The following HPSE2 variants were observed in gnomAD, a reference collection of about 807,000 sequenced individuals.
The protein encoded by HPSE2 is inactive heparanase-2.
Under a neutral mutation model 60.5 loss-of-function variants are expected in HPSE2, and 38 were observed. The observed-to-expected ratio is 0.63, with a 90% confidence interval of 0.48 to 0.82. HPSE2 has a LOEUF of 0.82. HPSE2 is among the 40% of genes least tolerant of loss of function. HPSE2 has a pLI of 0.00. For missense variants in HPSE2, 713 were observed against 740.4 expected (o/e 0.96, Z 0.43); for synonymous variants, 295 against 293.2 (o/e 1.01, Z -0.06).
chr10:98,562,455 G>A (rs2133877315), intron 9 of HPSE2, among the ~76,000 whole-genome samples: 1 of 152,228 alleles, frequency 6.6e-6, no homozygotes, highest in Middle Eastern at 3.4e-3. Context: ...GGTGGCTCAT[G>A]CCTGTAATCC....
At chr10:98,852,113 ATGTGTGTGTG>A (rs1555017138) in intron 3 of HPSE2, among the ~76,000 whole-genome samples, 35 of 91,966 alleles carry the variant, frequency 3.8e-4, no homozygotes, top group East Asian at 2.7e-3. Flanking sequence ...GTATATTATG[ATGTGTGTGTG>A]TGTGTGTGTG....
chr10:98,703,246 C>A (rs907832644), intron 5 of HPSE2, among the ~76,000 whole-genome samples: 1 of 152,114 alleles, frequency 6.6e-6, no homozygotes, highest in Non-Finnish European at 1.5e-5. Context: ...GAAGTTGAAT[C>A]CCTGAATAAA....
intron 3 of HPSE2, among the ~76,000 whole-genome samples, chr10:98,946,464 C>A (rs1246095926): frequency 9.9e-5 from 14 of 141,510 alleles, no homozygotes; most frequent in African/African-American, 3.7e-4. Context: ...CAGAGTGAGA[C>A]CCTCACTCAA....
At chr10:98,847,253 T>A (rs1461136227) in intron 3 of HPSE2, among the ~76,000 whole-genome samples, 1 of 152,220 alleles carries the variant, frequency 6.6e-6, no homozygotes, top group African/African-American at 2.4e-5. Flanking sequence ...CAAAAATATA[T>A]CTGGTAACTC....
chr10:99,123,186 G>A (rs1274069229), intron 3 of HPSE2, among the ~76,000 whole-genome samples: 1 of 152,024 alleles, frequency 6.6e-6, no homozygotes, highest in East Asian at 1.9e-4. Flanking sequence ...TATCCAGAGT[G>A]AAAAATGGTT....
the HPSE2 span, among the ~76,000 whole-genome samples, chr10:99,257,756 C>A: frequency 6.6e-6 from 1 of 152,138 alleles, no homozygotes; most frequent in South Asian, 2.1e-4. Flanking sequence ...TATTCATACA[C>A]TCCCTCCCCT....
chr10:98,974,708 C>T (rs1367867482), intron 3 of HPSE2, among the ~76,000 whole-genome samples: 5 of 152,098 alleles, frequency 3.3e-5, no homozygotes, highest in African/African-American at 9.7e-5. Flanking sequence ...ACTTGAGGCA[C>T]CAATATATTC....
chr10:99,181,105 A>G (rs1847750631), intron 2 of HPSE2, among the ~76,000 whole-genome samples: 1 of 152,030 alleles, frequency 6.6e-6, no homozygotes, highest in Admixed American at 6.6e-5. Context: ...ATTCTACTAT[A>G]AAGACACACG....
At chr10:98,660,075 C>A (rs1454051001) in intron 6 of HPSE2, among the ~76,000 whole-genome samples, 1 of 152,074 alleles carries the variant, frequency 6.6e-6, no homozygotes, top group Non-Finnish European at 1.5e-5. Context: ...TCATTCTTGG[C>A]TACCAGGCTG....
At chr10:98,605,892 C>T (rs116471994) in intron 9 of HPSE2, among the ~76,000 whole-genome samples, 1,858 of 152,320 alleles carry the variant, frequency 0.012, 47 homozygotes, top group African/African-American at 0.037. Context: ...AGATGCTGTT[C>T]CTGTTGAGCG....
intron 3 of HPSE2, among the ~76,000 whole-genome samples, chr10:99,095,477 G>A (rs1843689555): frequency 6.6e-6 from 1 of 152,104 alleles, no homozygotes; most frequent in Middle Eastern, 3.2e-3. Flanking sequence ...TTATAGTTGT[G>A]CAACCATCAC....
chr10:99,315,469 A>G, the HPSE2 span, among the ~76,000 whole-genome samples: 1 of 152,204 alleles, frequency 6.6e-6, no homozygotes, highest in African/African-American at 2.4e-5. Context: ...TAGTTTAACA[A>G]TGGAAGGAAG....
intron 3 of HPSE2, among the ~76,000 whole-genome samples, chr10:99,056,272 T>C (rs2135512343): frequency 6.6e-6 from 1 of 152,134 alleles, no homozygotes; most frequent in South Asian, 2.1e-4. Context: ...AAAACAGATC[T>C]GAATATTCCC....
At chr10:98,745,800 T>C (rs989621647) in intron 3 of HPSE2, among the ~76,000 whole-genome samples, 2 of 152,208 alleles carry the variant, frequency 1.3e-5, no homozygotes, top group African/African-American at 4.8e-5. Context: ...TTAAAGCTAA[T>C]GCAGAGTTTC....
chr10:98,578,040 G>A (rs1399514691), intron 9 of HPSE2, among the ~76,000 whole-genome samples: 1 of 152,002 alleles, frequency 6.6e-6, no homozygotes, highest in Non-Finnish European at 1.5e-5. Context: ...ATTTCTTCTT[G>A]TACATCTTTA....
At chr10:98,746,776 C>CA (rs1227868824) in intron 3 of HPSE2, among the ~76,000 whole-genome samples, 19 of 150,480 alleles carry the variant, frequency 1.3e-4, no homozygotes, top group Admixed American at 6.6e-5. Flanking sequence ...GTATAAGATA[C>CA]AAAAAAAATC....
intron 3 of HPSE2, among the ~76,000 whole-genome samples, chr10:99,113,170 T>C (rs1456446325): frequency 6.6e-6 from 1 of 152,210 alleles, no homozygotes; most frequent in Non-Finnish European, 1.5e-5. Context: ...ATTGAGTGCA[T>C]GGCTTCTTAT....
At chr10:98,746,418 A>G (rs944788859) in intron 3 of HPSE2, among the ~76,000 whole-genome samples, 1 of 152,020 alleles carries the variant, frequency 6.6e-6, no homozygotes, top group African/African-American at 2.4e-5. Context: ...ATGCTTTACT[A>G]TTCAACATCA....
intron 3 of HPSE2, among the ~76,000 whole-genome samples, chr10:99,120,768 G>A (rs899744132): frequency 2.0e-5 from 3 of 152,064 alleles, no homozygotes; most frequent in African/African-American, 4.8e-5. Flanking sequence ...CACCATGCTC[G>A]GCCAACCATT....
Sources: gnomAD v4.1 joint callset for allele counts (sites outside exome capture counted in the v4.1 genomes callset) on GRCh38, gnomAD v4.1.1 for gene constraint, MANE v1.5 for transcripts, NCBI Gene and HGNC (gene_info 2026-07-23, HGNC 2026-07-21) for gene names.